INVS: variants seen among roughly 807,000 people sequenced by gnomAD.
The protein encoded by INVS is inversion of embryo turning homolog.
A neutral mutation model predicts 108.8 loss-of-function variants in INVS; 86 were observed. That is an observed-to-expected ratio of 0.79 (90% CI 0.66 to 0.95). INVS has a LOEUF of 0.95. Among genes scored for constraint, INVS ranks in the 40% least tolerant of loss-of-function variants. The pLI is 0.00. For missense variants in INVS, 1,169 were observed against 1,297.4 expected, an observed-to-expected ratio of 0.90 and a Z score of 1.52; for synonymous variants, 455 against 473.5, an observed-to-expected ratio of 0.96 and a Z score of 0.51.
At position 100,296,898 on chromosome 9, in the gene INVS, T is replaced by C. The variant is rs1160752706; in HGVS notation, c.2787-19T>C. The C allele has an allele frequency of 1.2e-6, 2 of 1,604,218 alleles. No individual in the cohort carries two copies. The highest frequency in any genetic ancestry group is 2.2e-5 in the East Asian group (1 of 44,796). ...AGTACTGTGATCTTAAAGCCTCTCC[T>C]CTCCTCTGACCCAACCAGCTACCAG... On this transcript the variant is annotated intron_variant, in intron 14 of 16. Transcript: ENST00000262457.
intron 3 of INVS, among the ~76,000 whole-genome samples, chr9:100,155,955 G>A (rs1242909954): frequency 1.3e-5 from 2 of 152,192 alleles, no homozygotes; most frequent in African/African-American, 2.4e-5. Context: ...AAGCCTAGAA[G>A]TAATGACTAA....
At chr9:100,207,594 C>T (rs1204802089) in intron 3 of INVS, among the ~76,000 whole-genome samples, 2 of 152,040 alleles carry the variant, frequency 1.3e-5, no homozygotes, top group Non-Finnish European at 2.9e-5. Context: ...TGCACAGCTG[C>T]ACAAGTTATT....
chr9:100,272,876 T>A lies in INVS; in HGVS notation c.1584T>A (p.Leu528=), dbSNP rs1832998425. 6.2e-7 allele frequency: 1 copy of A among 1,613,916 alleles called. No homozygotes were observed. The highest frequency in any genetic ancestry group is 1.3e-5 in the African/African-American group (1 of 74,974). Residue 528 remains leucine, a synonymous_variant, in exon 12 of 17, where the codon CTT becomes CTA. Transcript: ENST00000262457. ...MENNEERYTP[L]DYALLGERHE... The stretch of plus-strand genomic sequence containing the variant: ...CCTCCCACTTCAGATACACACCCCT[T>A]GATTATGCTTTGCTTGGTGAGCGCC...
At chr9:100,227,453 C>T (rs181386015) in intron 4 of INVS, among the ~76,000 whole-genome samples, 1 of 152,156 alleles carries the variant, frequency 6.6e-6, no homozygotes, top group African/African-American at 2.4e-5. Flanking sequence ...ACAGTTCTTA[C>T]ATTTTTTCTT....
At chr9:100,298,421 C>A in intron 16 of INVS, 1 of 716,586 alleles carries the variant, frequency 1.4e-6, no homozygotes, top group Non-Finnish European at 1.7e-6. Context: ...CATGTACAGC[C>A]CAGGCTCAGC....
chr9:100,247,833 G>A (rs979866799), intron 8 of INVS, among the ~76,000 whole-genome samples: 1 of 151,888 alleles, frequency 6.6e-6, no homozygotes, highest in Non-Finnish European at 1.5e-5. Flanking sequence ...TTTTGAGACG[G>A]AGTCTCACTC....
intron 12 of INVS, among the ~76,000 whole-genome samples, chr9:100,280,680 A>G (rs1430546823): frequency 6.6e-6 from 1 of 152,186 alleles, no homozygotes; most frequent in Non-Finnish European, 1.5e-5. Flanking sequence ...TCTTTATAAC[A>G]TAGCACACCT....
At chr9:100,220,351 A>T (rs1239650840) in intron 3 of INVS, among the ~76,000 whole-genome samples, 1 of 152,170 alleles carries the variant, frequency 6.6e-6, no homozygotes, top group African/African-American at 2.4e-5. Flanking sequence ...TGTTAATTAC[A>T]GGAAGATTTA....
intron 3 of INVS, among the ~76,000 whole-genome samples, chr9:100,153,780 G>A (rs1254824853): frequency 6.6e-6 from 1 of 152,130 alleles, no homozygotes; most frequent in East Asian, 1.9e-4. Context: ...ACAAAAGAGG[G>A]CAAGAACAAG....
chr9:100,221,972 C>A (rs1831166901), intron 3 of INVS, among the ~76,000 whole-genome samples: 1 of 152,260 alleles, frequency 6.6e-6, no homozygotes, highest in South Asian at 2.1e-4. Flanking sequence ...GTGCTATCTG[C>A]AGTTTCAGAT....
At chr9:100,207,959 A>C (rs1323259725) in intron 3 of INVS, among the ~76,000 whole-genome samples, 3 of 151,094 alleles carry the variant, frequency 2.0e-5, no homozygotes, top group Admixed American at 2.0e-4. Flanking sequence ...CTTGCACTTG[A>C]AAGAATAGTT....
rs202097891 is a variant in INVS at position 100,242,697 on chromosome 9, A to G, written c.906+18A>G. 1.8e-5 allele frequency: 25 copies of G among 1,366,524 alleles called. No individual in the cohort carries two copies. The highest frequency in any genetic ancestry group is 2.3e-5 in the Non-Finnish European group (22 of 954,412). The allele number at this position is 1,366,524 out of a possible 1,614,324, so 84.6% of individuals were successfully genotyped here. A position where few individuals can be genotyped will look rare whatever the true frequency, so the allele number is the denominator to read the frequency against. On this transcript the variant is annotated intron_variant, in intron 7 of 16. Transcript: ENST00000262457. Reference sequence around the variant, plus strand: ...ACTTTGCTGTAAGTAAAACAAGACAATGCTCTTTTTTCTTAGTGAAAATTG... The same window carrying G: ...ACTTTGCTGTAAGTAAAACAAGACAGTGCTCTTTTTTCTTAGTGAAAATTG...
chr9:100,252,083 A>G (rs1037206509), intron 8 of INVS, among the ~76,000 whole-genome samples, 200 bp from the exon 9 acceptor site: 4 of 152,222 alleles, frequency 2.6e-5, no homozygotes, highest in Admixed American at 6.5e-5. Flanking sequence ...GGTAGAAGGA[A>G]AGGAGAAAGT....
At chr9:100,225,093 T>C (rs1323817349) in intron 3 of INVS, among the ~76,000 whole-genome samples, 1 of 151,506 alleles carries the variant, frequency 6.6e-6, no homozygotes. Flanking sequence ...AGTCTCACTC[T>C]GTCGCCCAGC....
intron 14 of INVS, among the ~76,000 whole-genome samples, chr9:100,295,439 A>G (rs2787376): frequency 0.077 from 11,772 of 152,204 alleles, 630 homozygotes; most frequent in Non-Finnish European, 0.11. Flanking sequence ...TATTGATTCT[A>G]TTATATTTTA....
At chr9:100,236,281 CT>C (rs1831685114) in intron 5 of INVS, among the ~76,000 whole-genome samples, 1 of 152,166 alleles carries the variant, frequency 6.6e-6, no homozygotes, top group Non-Finnish European at 1.5e-5. Context: ...AGGTTCTTAG[CT>C]TCCTTGCATT....
chr9:100,202,608 T>C (rs1259294362), intron 3 of INVS, among the ~76,000 whole-genome samples: 2 of 152,214 alleles, frequency 1.3e-5, no homozygotes, highest in East Asian at 3.8e-4. Flanking sequence ...CGCATATCAC[T>C]TGTCTATCGC....
chr9:100,195,673 A>G (rs1297558891), intron 3 of INVS, among the ~76,000 whole-genome samples: 1 of 151,956 alleles, frequency 6.6e-6, no homozygotes, highest in Admixed American at 6.6e-5. Flanking sequence ...TTTTTAGTAG[A>G]TACAGCATTC....
At chr9:100,235,433 C>T (rs141185460) in intron 5 of INVS, among the ~76,000 whole-genome samples, 70 of 152,148 alleles carry the variant, frequency 4.6e-4, no homozygotes, top group African/African-American at 1.3e-3. Flanking sequence ...TTATTTTGTA[C>T]GCTAGTTGAT....
Sources: allele counts gnomAD v4.1 joint callset (sites outside exome capture counted in the v4.1 genomes callset), GRCh38; gene constraint gnomAD v4.1.1; transcripts MANE v1.5; gene names NCBI Gene and HGNC (gene_info 2026-07-23, HGNC 2026-07-21).